The following SLC41A3 variants were observed in gnomAD, a reference collection of about 807,000 sequenced individuals.
SLC41A3 encodes the protein SLC41A1-like 2.
A neutral mutation model predicts 45.4 loss-of-function variants in SLC41A3; 44 were observed. The observed-to-expected ratio is 0.97, with a 90% CI of 0.76 to 1.25. The LOEUF (loss-of-function observed/expected upper bound fraction) is 1.25, where lower values mean the gene tolerates loss of function less well. Ranked by LOEUF, SLC41A3 falls within the 50% of genes most tolerant of loss-of-function variation. The pLI is 0.00. For synonymous variants in SLC41A3, 256 were observed against 252.4 expected (o/e 1.01, Z -0.13); for missense variants, 550 against 600.6 (o/e 0.92, Z 0.88).
rs1044139056 is a variant in SLC41A3, at chr3:126,008,678, G to C, written c.1254+54C>G. ...GCCTCTCACTCAGACAAGAGATCAA[G>C]CCTGCTGGCTGACTACACAGCTGCG... On this transcript the variant is annotated intron_variant, in intron 10 of 10. Transcript: ENST00000360370. 3 of 1,592,768 alleles carry C rather than the reference G, an allele frequency of 1.9e-6. No homozygotes were observed. In the African/African-American group the frequency reaches 4.0e-5, roughly 21 times the overall value.
intron 2 of SLC41A3, among the ~76,000 whole-genome samples, chr3:126,059,264 A>AAAGAAAGAAAGAAAGAAAGAGAGAGAG (rs71150422): frequency 3.8e-4 from 1 of 2,600 alleles, no homozygotes; most frequent in African/African-American, 3.7e-3. Context: ...AGAAAGAAAG[A>AAAGAAAGAAAGAAAGAAAGAGAGAGAG]AGAAAGAAAG....
rs1944433676 is a variant in SLC41A3 at position 126,067,957 on chromosome 3, T to C, written c.263A>G (p.Asp88Gly). The C allele has an allele frequency of 1.9e-6, 3 of 1,603,728 alleles. No individual in the cohort carries two copies. Among genetic ancestry groups the C allele is most frequent in the Non-Finnish European group, 1.7e-6 (2 of 1,175,052 alleles). The change falls in exon 2 of 11, where the codon GAC becomes GGC. Residue 88 changes from aspartate to glycine, a missense_variant. By Grantham distance (94) the Asp-to-Gly change is moderately conservative. Transcript: ENST00000360370. Reference sequence around the variant, plus strand: ...TTAGTTCCCTCTTACCTGGAAATAGTCCAGAAGCATGCCGGCCCAGGACAG... The same window carrying C: ...TTAGTTCCCTCTTACCTGGAAATAGCCCAGAAGCATGCCGGCCCAGGACAG... Reference protein sequence around the residue: ...LGLSWAGMLLDYFQHWPVFVE... With the variant: ...LGLSWAGMLLGYFQHWPVFVE...
intron 6 of SLC41A3, among the ~76,000 whole-genome samples, chr3:126,021,403 A>G (rs1940871043): frequency 6.6e-6 from 1 of 152,172 alleles, no homozygotes; most frequent in Admixed American, 6.5e-5. Flanking sequence ...GTCATATACC[A>G]GTTAAATTTC....
At chr3:126,087,439 A>G (rs192243423), upstream of SLC41A3, among the ~76,000 whole-genome samples, 37 of 152,218 alleles carry the variant, frequency 2.4e-4, no homozygotes, top group Admixed American at 4.6e-4. Context: ...CAGGTTATTA[A>G]TAAGTATTAA....
At chr3:126,037,467 C>A (rs1011214301) in intron 3 of SLC41A3, among the ~76,000 whole-genome samples, 6 of 152,122 alleles carry the variant, frequency 3.9e-5, no homozygotes, top group African/African-American at 1.4e-4. Flanking sequence ...TTATTGGGAA[C>A]TAGAGAAAAG....
At chr3:126,067,653 G>C in intron 2 of SLC41A3, 1 of 514,370 alleles carries the variant, frequency 1.9e-6, no homozygotes, top group East Asian at 4.8e-5. Context: ...GGCAGCAGTA[G>C]TTGACTGACA....
At chr3:126,096,777 C>G (rs1945611414) in intron 1 of SLC41A3, among the ~76,000 whole-genome samples, 1 of 146,342 alleles carries the variant, frequency 6.8e-6, no homozygotes, top group Non-Finnish European at 1.5e-5. Context: ...GCTTTCAGCT[C>G]TCAAGGCTGT....
At chr3:126,061,017 G>C (rs1944037116) in intron 2 of SLC41A3, among the ~76,000 whole-genome samples, 1 of 152,194 alleles carries the variant, frequency 6.6e-6, no homozygotes, top group Non-Finnish European at 1.5e-5. Context: ...TTCTTACTGG[G>C]GTGTGTTTTT....
chr3:126,040,663 G>A (rs1942529353), intron 3 of SLC41A3, among the ~76,000 whole-genome samples: 2 of 152,086 alleles, frequency 1.3e-5, no homozygotes, highest in Non-Finnish European at 2.9e-5. Flanking sequence ...GAGAGGCAGG[G>A]CAGTGCCCCA....
chr3:126,057,735 C>T (rs1943765248), intron 2 of SLC41A3, among the ~76,000 whole-genome samples: 1 of 152,248 alleles, frequency 6.6e-6, no homozygotes, highest in South Asian at 2.1e-4. Flanking sequence ...TCTCCAGCAC[C>T]TGTTCCCCTC....
upstream of SLC41A3, among the ~76,000 whole-genome samples, chr3:126,086,173 C>G (rs1329916330): frequency 2.6e-5 from 4 of 152,118 alleles, no homozygotes; most frequent in Non-Finnish European, 5.9e-5. Context: ...TTCGGGCACT[C>G]TGTTGGTTTT....
chr3:126,038,882 G>A (rs1156615660), intron 3 of SLC41A3, among the ~76,000 whole-genome samples: 1 of 152,174 alleles, frequency 6.6e-6, no homozygotes, highest in Non-Finnish European at 1.5e-5. Context: ...CCTGGTGGGA[G>A]GTGTTTGGGT....
chr3:126,039,179 T>C (rs1190909464), intron 3 of SLC41A3, among the ~76,000 whole-genome samples: 1 of 152,210 alleles, frequency 6.6e-6, no homozygotes, highest in Non-Finnish European at 1.5e-5. Flanking sequence ...GTCTCAAGTA[T>C]TCCTTTAGAG....
chr3:126,025,377 G>T (rs1345291327), intron 5 of SLC41A3: 1 of 152,224 alleles, frequency 6.6e-6, no homozygotes, highest in Non-Finnish European at 1.5e-5. Context: ...GAACTACTGG[G>T]TCCCCACTCT....
At chr3:126,064,468 T>G (rs1170369575) in intron 2 of SLC41A3, among the ~76,000 whole-genome samples, 1 of 152,162 alleles carries the variant, frequency 6.6e-6, no homozygotes, top group African/African-American at 2.4e-5. Flanking sequence ...TCCTCCTGCC[T>G]GGGTGACTGG....
At chr3:126,086,408 G>GTTT (rs57316346), upstream of SLC41A3, among the ~76,000 whole-genome samples, 77 of 21,174 alleles carry the variant, frequency 3.6e-3, 5 homozygotes, top group African/African-American at 7.4e-3. Flanking sequence ...TTGTTTTCTT[G>GTTT]TTTTTTTTTT....
intron 1 of SLC41A3, among the ~76,000 whole-genome samples, chr3:126,095,765 T>C (rs1430435777): frequency 2.0e-5 from 3 of 152,208 alleles, no homozygotes; most frequent in Non-Finnish European, 2.9e-5. Context: ...ACGATTCCTA[T>C]GGAATCATTA....
intron 1 of SLC41A3, among the ~76,000 whole-genome samples, chr3:126,095,777 T>G (rs1945587930): frequency 1.3e-5 from 2 of 152,208 alleles, no homozygotes; most frequent in Non-Finnish European, 2.9e-5. Flanking sequence ...GAATCATTAT[T>G]AATTGGTCCC....
At chr3:126,035,706 G>A (rs911414823) in intron 3 of SLC41A3, among the ~76,000 whole-genome samples, 1 of 152,198 alleles carries the variant, frequency 6.6e-6, no homozygotes, top group African/African-American at 2.4e-5. Context: ...TGGATATCAG[G>A]GTAGGGGATT....
Sources: allele counts gnomAD v4.1 joint callset (sites outside exome capture counted in the v4.1 genomes callset), GRCh38; gene constraint gnomAD v4.1.1; transcripts MANE v1.5; gene names NCBI Gene and HGNC (gene_info 2026-07-23, HGNC 2026-07-21).